The following KANTR variants were observed in gnomAD, a reference collection of about 807,000 sequenced individuals.
The protein encoded by KANTR is KANTR integral membrane protein.
chrX:53,117,325 TTATAAG>T (rs1434562653), intron 2 of KANTR, among the ~76,000 whole-genome samples: 5 of 110,374 alleles, frequency 4.5e-5, no homozygotes, highest in Admixed American at 3.9e-4. Flanking sequence ...TATACACAAG[TTATAAG>T]TATAATAATA....
downstream of KANTR, among the ~76,000 whole-genome samples, chrX:53,129,798 G>A (rs868917045): frequency 5.5e-5 from 6 of 109,796 alleles, no homozygotes; most frequent in Admixed American, 9.8e-5. Context: ...TCTTCTTGTC[G>A]CTCTGATGAC....
At chrX:53,136,735 G>T (rs868958774) in intron 2 of KANTR, among the ~76,000 whole-genome samples, 22 of 21,417 alleles carry the variant, frequency 1.0e-3, no homozygotes, top group South Asian at 4.4e-3. Flanking sequence ...TATATATTTT[G>T]TTTGTTTGTT....
chrX:53,147,279 G>C (rs186164931), downstream of KANTR, among the ~76,000 whole-genome samples: 14 of 111,310 alleles, frequency 1.3e-4, no homozygotes, highest in Admixed American at 2.9e-4. Context: ...GAAGACCTAC[G>C]AAGCAAATGG....
downstream of KANTR, chrX:53,142,734 G>A (rs149211723): frequency 5.8e-4 from 246 of 424,984 alleles, no homozygotes; most frequent in African/African-American, 4.6e-3. Context: ...ACATCTGCTC[G>A]CAGTCCATTT....
intron 2 of KANTR, among the ~76,000 whole-genome samples, chrX:53,117,943 CT>C (rs1933158051): frequency 9.0e-6 from 1 of 111,388 alleles, no homozygotes; most frequent in Non-Finnish European, 1.9e-5. Context: ...TGAGACTTAA[CT>C]TTTTTCATTC....
At chrX:53,123,336 T>C (rs1045600803) in intron 2 of KANTR, 133 bp from the exon 3 acceptor site, 4 of 112,147 alleles carry the variant, frequency 3.6e-5, no homozygotes, top group Non-Finnish European at 7.5e-5. Flanking sequence ...GAATTATATC[T>C]AACAGCTTTT....
At chrX:53,096,097 A>G (rs370244144) in intron 1 of KANTR, among the ~76,000 whole-genome samples, 22 of 110,951 alleles carry the variant, frequency 2.0e-4, no homozygotes, top group African/African-American at 7.2e-4. Context: ...AGGGCCCCCC[A>G]ACCATCCTGT....
At chrX:53,142,316 GTTT>G (rs34127394) in exon 3 of KANTR, 10 of 95,139 alleles carry the variant, frequency 1.1e-4, no homozygotes, top group East Asian at 3.5e-4. Flanking sequence ...TTCTGTGTAT[GTTT>G]TTTTTTTTTT....
chrX:53,132,930 T>G (rs1326907330), intron 2 of KANTR, among the ~76,000 whole-genome samples: 1 of 111,697 alleles, frequency 9.0e-6, no homozygotes, highest in East Asian at 2.8e-4. Flanking sequence ...ACTCACAAGT[T>G]ACAAATATAT....
intron 2 of KANTR, among the ~76,000 whole-genome samples, chrX:53,119,051 T>A (rs1368120590): frequency 3.9e-5 from 4 of 102,345 alleles, no homozygotes; most frequent in Non-Finnish European, 8.0e-5. Context: ...TTTCTTTTTT[T>A]TTTTTTTTTT....
At chrX:53,098,108 A>C (rs1932861185) in intron 1 of KANTR, among the ~76,000 whole-genome samples, 1 of 109,638 alleles carries the variant, frequency 9.1e-6, no homozygotes, top group African/African-American at 3.3e-5. Context: ...GTAACTATCA[A>C]AACTAGAAAA....
chrX:53,143,266 C>T (rs1933528728), downstream of KANTR: 10 of 596,407 alleles, frequency 1.7e-5, no homozygotes, highest in Middle Eastern at 6.7e-4. Context: ...AAGTCCAGGG[C>T]GATGTAGCAC....
At chrX:53,138,421 G>A (rs1172848598) in intron 2 of KANTR, among the ~76,000 whole-genome samples, 1 of 108,763 alleles carries the variant, frequency 9.2e-6, no homozygotes, top group Non-Finnish European at 1.9e-5. Flanking sequence ...CCAGCACTTT[G>A]GGAGGCTGAG....
At chrX:53,130,877 C>T (rs908894256), downstream of KANTR, among the ~76,000 whole-genome samples, 3 of 111,425 alleles carry the variant, frequency 2.7e-5, no homozygotes, top group Non-Finnish European at 5.7e-5. Flanking sequence ...AGTAGGCAGT[C>T]AGAATGGGAT....
At chrX:53,137,817 C>CAT (rs1556817872) in intron 2 of KANTR, among the ~76,000 whole-genome samples, 3 of 109,505 alleles carry the variant, frequency 2.7e-5, no homozygotes, top group African/African-American at 9.9e-5. Flanking sequence ...CCCCCCTTAT[C>CAT]ATTCTATATC....
At chrX:53,106,364 T>C (rs116164590) in intron 2 of KANTR, among the ~76,000 whole-genome samples, 1,787 of 109,878 alleles carry the variant, frequency 0.016, 93 homozygotes, top group African/African-American at 0.058. Context: ...TCTAGGAATT[T>C]TATCGTTTTA....
chrX:53,143,801 G>C (rs1933535845), downstream of KANTR: 1 of 503,224 alleles, frequency 2.0e-6, no homozygotes, highest in Admixed American at 2.4e-5. Context: ...TGGTGCCGGG[G>C]TCACCTGATG....
intron 2 of KANTR, among the ~76,000 whole-genome samples, chrX:53,122,378 A>G (rs1933237549): frequency 8.9e-6 from 1 of 112,138 alleles, no homozygotes; most frequent in South Asian, 3.7e-4. Flanking sequence ...TATGGTGACA[A>G]CCATATCAGC....
At chrX:53,129,185 C>T (rs1008864423), downstream of KANTR, among the ~76,000 whole-genome samples, 1 of 104,948 alleles carries the variant, frequency 9.5e-6, no homozygotes, top group African/African-American at 3.5e-5. Flanking sequence ...CTCCTGCCTC[C>T]GCCTCCCAAG....
Sources: gnomAD v4.1 joint callset for allele counts (sites outside exome capture counted in the v4.1 genomes callset) on GRCh38, gnomAD v4.1.1 for gene constraint, MANE v1.5 for transcripts, NCBI Gene and HGNC (gene_info 2026-07-23, HGNC 2026-07-21) for gene names.